PRPH2: variants seen among roughly 807,000 people sequenced by gnomAD.
PRPH2 encodes peripherin 2, also known as peripherin-2.
In PRPH2, 17 loss-of-function variants were observed where a neutral mutation model predicts 31.3. That is an observed-to-expected ratio of 0.54 (90% CI 0.37 to 0.81). The LOEUF (loss-of-function observed/expected upper bound fraction) is 0.81. PRPH2 is among the 40% of genes least tolerant of loss of function. The pLI is 0.00. For synonymous variants in PRPH2, 165 were observed against 184.4 expected (o/e 0.89, Z 0.85); for missense variants, 430 against 439.7 (o/e 0.98, Z 0.20).
At chr6:42,699,226 T>G (rs920733166) in intron 2 of PRPH2, among the ~76,000 whole-genome samples, 2 of 151,904 alleles carry the variant, frequency 1.3e-5, no homozygotes, top group Non-Finnish European at 2.9e-5. Flanking sequence ...CTAATTTTTG[T>G]ATTTTTTTGT....
chr6:42,715,552 T>C (rs1761761494), intron 1 of PRPH2, among the ~76,000 whole-genome samples: 2 of 151,956 alleles, frequency 1.3e-5, no homozygotes, highest in Non-Finnish European at 2.9e-5. Flanking sequence ...ACGCCTGTAA[T>C]CCCAGCTACT....
At position 42,721,797 on chromosome 6, in the gene PRPH2, T is replaced by C. The variant is rs1197982293; in HGVS notation, c.538A>G (p.Ile180Val). Reference sequence around the variant, plus strand: ...GAAAAGTCCAGGTAGCGATTGCTGATCCACTGAATCTCAAACCAGTCCCGA... The same window carrying C: ...GAAAAGTCCAGGTAGCGATTGCTGACCCACTGAATCTCAAACCAGTCCCGA... ...GFRDWFEIQW[I>V]SNRYLDFSSK... Residue 180 changes from isoleucine (I) to valine (V), a missense_variant, in exon 1 of 3, where the codon ATC (isoleucine) becomes GTC (valine). By Grantham distance (29) the Ile-to-Val change is conservative. Coordinates refer to ENST00000230381, the MANE Select transcript of PRPH2 (RefSeq NM_000322.5). 6.2e-7 allele frequency: 1 copy of C among 1,614,096 alleles called. No individual in the cohort carries two copies. The highest frequency in any genetic ancestry group is 8.5e-7 in the Non-Finnish European group (1 of 1,180,042).
rs1239430380 is a variant in PRPH2 at position 42,705,585 on chromosome 6, AAAAAAAAAAAAAAAATATATAT to A, written c.582-996_582-975del. ...AACAAGACTTTCTCTAAAAAAAAAA[AAAAAAAAAAAAAAAATATATAT>A]ATATATATATATATATATATATATT... On this transcript the variant is annotated intron_variant, in intron 1 of 2. Transcript: ENST00000230381. Among the ~76,000 whole-genome samples the A allele has an allele frequency of 2.1e-3, 37 of 17,560 alleles. 1 individual carries two copies. Among genetic ancestry groups the A allele is most frequent in the African/African-American group, 5.1e-3 (34 of 6,726 alleles). 11.5% of individuals were successfully genotyped at this position (17,560 alleles called of 152,430 possible).
In PRPH2 at chr6:42,722,188, G is replaced by T; in HGVS notation, c.147C>A (p.Ser49Arg). 1.2e-6 allele frequency: 2 copies of T among 1,614,130 alleles called. No individual in the cohort carries two copies. Among genetic ancestry groups the T allele is most frequent in the Non-Finnish European group, 1.7e-6 (2 of 1,180,028 alleles). Residue 49 changes from serine (S) to arginine (R), a missense_variant, in exon 1 of 3, where the codon AGC becomes AGA. Coordinates refer to ENST00000230381, the MANE Select transcript of PRPH2 (RefSeq NM_000322.5). This position sits in a 1 kb window ranked among gnomAD's most constrained non-coding sequence, Gnocchi z 4.4. Reference sequence around the variant, plus strand: ...GGCTCTCAGAATTATTCATCACATCGCTCCTCTTTCGGAGTTCAATCTTCA... The same window carrying T: ...GGCTCTCAGAATTATTCATCACATCTCTCCTCTTTCGGAGTTCAATCTTCA... ...LFLKIELRKR[S>R]DVMNNSESHF...
At chr6:42,705,599 A>AAAAT (rs1562424252) in intron 1 of PRPH2, among the ~76,000 whole-genome samples, 6 of 21,572 alleles carry the variant, frequency 2.8e-4, no homozygotes, top group East Asian at 1.6e-3. Flanking sequence ...AAAAAAAAAA[A>AAAAT]ATATATATAT....
chr6:42,722,081 G>A lies in PRPH2; in HGVS notation c.254C>T (p.Ala85Val). ...TCTGGCATACTTGGCTGGGTCCAGG[G>A]CGTCGTAGCAGATCTTCCCAGCCAG... Reference protein sequence around the residue: ...NSLAGKICYDALDPAKYARWK... With the variant: ...NSLAGKICYDVLDPAKYARWK... Residue 85 changes from alanine (A) to valine (V), a missense_variant, in exon 1 of 3, where the codon GCC becomes GTC. Ala to Val is a moderately conservative substitution (Grantham distance 64). Transcript: ENST00000230381. The surrounding 1 kb of genome is among the most constrained non-coding windows in gnomAD (Gnocchi z 4.4). 6.2e-7 allele frequency: 1 copy of A among 1,614,162 alleles called. No homozygotes were observed. Among genetic ancestry groups the A allele is most frequent in the South Asian group, 1.1e-5 (1 of 91,080 alleles).
chr6:42,700,286 T>G (rs1800022855), intron 2 of PRPH2, among the ~76,000 whole-genome samples: 1 of 152,182 alleles, frequency 6.6e-6, no homozygotes, highest in African/African-American at 2.4e-5. Context: ...TATAATATAT[T>G]CCGTATATTC....
chr6:42,701,682 A>ATTTTTTT lies in PRPH2; in HGVS notation c.828+2676_828+2682dup, dbSNP rs70990127. On this transcript the variant is annotated intron_variant, in intron 2 of 2. Transcript: ENST00000230381. ...TAGGCATGCGCCACCACGTCCAGCA[A>ATTTTTTT]TTTTTTTTTTTTTTTTTTTTTTTTT... Among the ~76,000 whole-genome samples, 337 of 78,496 alleles carry ATTTTTTT rather than the reference A, an allele frequency of 4.3e-3. 56 individuals are homozygous for ATTTTTTT. The highest frequency in any genetic ancestry group is 0.014 in the East Asian group (28 of 2,026). The allele number at this position is 78,496 out of a possible 152,430, so 51.5% of individuals were successfully genotyped here.
At chr6:42,713,445 T>C (rs527766789) in intron 1 of PRPH2, among the ~76,000 whole-genome samples, 4 of 152,244 alleles carry the variant, frequency 2.6e-5, no homozygotes, top group Admixed American at 2.0e-4. Context: ...CAGCCCCATT[T>C]ACCACAGGCG....
chr6:42,722,180 A>C lies in PRPH2; in HGVS notation c.155T>G (p.Met52Arg), dbSNP rs1314045039. Reference protein sequence around the residue: ...KIELRKRSDVMNNSESHFVPN... With the variant: ...KIELRKRSDVRNNSESHFVPN... Reference sequence around the variant, plus strand: ...CACAAAATGGCTCTCAGAATTATTCATCACATCGCTCCTCTTTCGGAGTTC... The same window carrying C: ...CACAAAATGGCTCTCAGAATTATTCCTCACATCGCTCCTCTTTCGGAGTTC... The change falls in exon 1 of 3, where the codon ATG becomes AGG. Residue 52 changes from methionine to arginine, a missense_variant. Physicochemically the swap from Met to Arg is moderately conservative, Grantham distance 91 (BLOSUM62 -1). Coordinates refer to ENST00000230381, the MANE Select transcript of PRPH2 (RefSeq NM_000322.5). The surrounding 1 kb of genome is among the most constrained non-coding windows in gnomAD (Gnocchi z 4.4). 1 of 1,614,084 alleles carries C rather than the reference A, an allele frequency of 6.2e-7. No homozygotes were observed. The highest frequency in any genetic ancestry group is 1.3e-5 in the African/African-American group (1 of 74,924).
At position 42,704,541 on chromosome 6, in the gene PRPH2, A is replaced by G. The variant is rs1582764878; in HGVS notation, c.652T>C (p.Ser218Pro). Residue 218 changes from serine (S) to proline (P), a missense_variant, in exon 2 of 3, where the codon TCG (serine) becomes CCG (proline). Coordinates refer to ENST00000230381, the MANE Select transcript of PRPH2 (RefSeq NM_000322.5). ...TGATACTGGATGCAGGGCCGTGGCGAGCTAGGATTGCAGCAGCTGAAAGGG... is the reference window on the plus strand; with the variant it reads ...TGATACTGGATGCAGGGCCGTGGCGGGCTAGGATTGCAGCAGCTGAAAGGG... ...GVPFSCCNPS[S>P]PRPCIQYQIT... 1 of 1,614,164 alleles carries G rather than the reference A, an allele frequency of 6.2e-7. No individual in the cohort carries two copies. The highest frequency in any genetic ancestry group is 1.1e-5 in the South Asian group (1 of 91,064).
intron 1 of PRPH2, among the ~76,000 whole-genome samples, chr6:42,713,253 A>C (rs1253564421): frequency 6.6e-6 from 1 of 151,666 alleles, no homozygotes; most frequent in African/African-American, 2.4e-5. Context: ...AGAACTACAA[A>C]TCTCTTTCAC....
In PRPH2 at chr6:42,698,409, C is replaced by T; in HGVS notation, c.927G>A (p.Glu309=). 2.5e-6 allele frequency: 4 copies of T among 1,613,922 alleles called. No individual in the cohort carries two copies. The highest frequency in any genetic ancestry group is 3.4e-6 in the Non-Finnish European group (4 of 1,179,792). ...SESESQGWLL[E]RSVPETWKAF... ...CCTTCCAGGTCTCCGGCACGCTCCT[C>T]TCCAGCAGCCAGCCCTGGCTCTCGC... Residue 309 remains glutamate, a synonymous_variant, in exon 3 of 3, where the codon GAG becomes GAA. Transcript: ENST00000230381.
chr6:42,711,317 G>A (rs551346344), intron 1 of PRPH2, among the ~76,000 whole-genome samples: 57 of 152,314 alleles, frequency 3.7e-4, no homozygotes, highest in African/African-American at 1.3e-3. Flanking sequence ...CAATTATCCA[G>A]ACTCAGGTAT....
chr6:42,707,369 G>T (rs966838887), intron 1 of PRPH2, among the ~76,000 whole-genome samples: 8 of 152,120 alleles, frequency 5.3e-5, no homozygotes, highest in Admixed American at 5.2e-4. Flanking sequence ...CAGTCATTTT[G>T]CATATTGTGA....
intron 1 of PRPH2, chr6:42,711,966 T>C (rs1761657581): frequency 3.0e-6 from 3 of 985,276 alleles, no homozygotes; most frequent in African/African-American, 3.5e-5. Flanking sequence ...GTAAACTGAC[T>C]GAAGACCTCA....
intron 2 of PRPH2, among the ~76,000 whole-genome samples, chr6:42,703,571 AAAAG>A (rs564615401): frequency 1.3e-3 from 199 of 152,362 alleles, no homozygotes; most frequent in African/African-American, 4.6e-3. Flanking sequence ...CATGCTAACT[AAAAG>A]AAGCCAAACG....
chr6:42,704,666 C>T lies in PRPH2; in HGVS notation c.582-55G>A, dbSNP rs1800120180. 6.2e-6 allele frequency: 10 copies of T among 1,612,680 alleles called. 1 individual carries two copies. In the Admixed American group the frequency reaches 6.7e-5, roughly 11 times the overall value. On this transcript the variant is annotated intron_variant, in intron 1 of 2. Transcript: ENST00000230381. ...GCTTCCCGGGCTTCTCAACAGGGGC[C>T]ACTTCCTCCCAACCCCTGCCTCTGG...
At chr6:42,711,844 G>C in intron 1 of PRPH2, 1 of 985,386 alleles carries the variant, frequency 1.0e-6, no homozygotes, top group Non-Finnish European at 1.2e-6. Flanking sequence ...CCCAGGCTGG[G>C]CCTTCCTGGC....
Sources: allele counts gnomAD v4.1 joint callset (sites outside exome capture counted in the v4.1 genomes callset), GRCh38; gene constraint gnomAD v4.1.1; non-coding constraint Gnocchi (gnomAD v3.1); transcripts MANE v1.5; gene names NCBI Gene and HGNC (gene_info 2026-07-23, HGNC 2026-07-21).